The following RIN2 variants were observed in gnomAD, a reference collection of about 807,000 sequenced individuals.
RIN2 encodes the protein RAB5 interacting protein 2.
In RIN2, 36 loss-of-function variants were observed where a neutral mutation model predicts 78.0. The observed-to-expected ratio is 0.46, with a 90% CI of 0.35 to 0.61. The LOEUF (loss-of-function observed/expected upper bound fraction) is 0.61. RIN2 is among the 20% of genes least tolerant of loss of function. The probability of loss-of-function intolerance (pLI) is 0.00; values close to 1 mark genes in which losing one functional copy is unlikely to be tolerated. For missense variants in RIN2, 1,087 were observed against 1,159.7 expected, an observed-to-expected ratio of 0.94 and a Z score of 0.91; for synonymous variants, 466 against 466.8, an observed-to-expected ratio of 1.00 and a Z score of 0.02.
intron 3 of RIN2, among the ~76,000 whole-genome samples, chr20:19,909,242 TCTC>T (rs1392058162): frequency 6.6e-6 from 1 of 151,992 alleles, no homozygotes; most frequent in African/African-American, 2.4e-5. Context: ...AGCTTTATAA[TCTC>T]CTCCTCCAAT....
intron 7 of RIN2, among the ~76,000 whole-genome samples, chr20:19,965,557 A>C (rs574848089): frequency 6.6e-6 from 1 of 152,344 alleles, no homozygotes; most frequent in Admixed American, 6.5e-5. Flanking sequence ...TGTCCTTTTC[A>C]TAACCAAAGC....
chr20:19,979,048 A>C (rs1270410074), intron 9 of RIN2, among the ~76,000 whole-genome samples: 1 of 152,140 alleles, frequency 6.6e-6, no homozygotes, highest in Admixed American at 6.5e-5. Flanking sequence ...CCCATGGGGG[A>C]TATCCAACCA....
At chr20:19,760,838 C>T (rs1420353388) in intron 1 of RIN2, among the ~76,000 whole-genome samples, 1 of 152,170 alleles carries the variant, frequency 6.6e-6, no homozygotes, top group Non-Finnish European at 1.5e-5. Context: ...ACCCTGTCCT[C>T]CTTTCCCCAG....
chr20:19,880,613 C>G (rs1341859293), intron 2 of RIN2, among the ~76,000 whole-genome samples: 3 of 151,964 alleles, frequency 2.0e-5, no homozygotes, highest in Admixed American at 2.0e-4. Flanking sequence ...AGAGATCCTT[C>G]TGCCTTGGCC....
chr20:19,989,604 T>C (rs1407606324), intron 9 of RIN2, among the ~76,000 whole-genome samples: 1 of 152,210 alleles, frequency 6.6e-6, no homozygotes, highest in East Asian at 1.9e-4. Context: ...AGATGTTGAA[T>C]GCTCATTATT....
chr20:19,870,472 C>A (rs1359358036), intron 2 of RIN2, among the ~76,000 whole-genome samples: 1 of 152,030 alleles, frequency 6.6e-6, no homozygotes, highest in Non-Finnish European at 1.5e-5. Context: ...CATGGTGAAA[C>A]CCCATCTCTA....
chr20:19,837,688 G>T (rs1355034685), intron 2 of RIN2, among the ~76,000 whole-genome samples: 1 of 152,068 alleles, frequency 6.6e-6, no homozygotes, highest in Non-Finnish European at 1.5e-5. Flanking sequence ...CTGATATACA[G>T]ATAACTATTT....
At position 19,788,841 on chromosome 20, in the gene RIN2, A is replaced by G. The variant is rs137914692; in HGVS notation, c.-162-10781A>G. On this transcript the variant is annotated intron_variant, in intron 1 of 12. Coordinates refer to ENST00000255006, the MANE Select transcript of RIN2 (RefSeq NM_018993.4). ...ATTTTAAAGATGTCATTTATCCCCAAAGTGATCTACGGACTCATTAAAATT... is the reference window on the plus strand; with the variant it reads ...ATTTTAAAGATGTCATTTATCCCCAGAGTGATCTACGGACTCATTAAAATT... Among the ~76,000 whole-genome samples, 28 of 152,332 alleles carry G rather than the reference A, an allele frequency of 1.8e-4. No homozygotes were observed. In the East Asian group the frequency reaches 5.2e-3, roughly 28 times the overall value.
At chr20:19,865,489 T>TTTC (rs71914497) in intron 2 of RIN2, among the ~76,000 whole-genome samples, 4 of 28,722 alleles carry the variant, frequency 1.4e-4, no homozygotes, top group African/African-American at 2.4e-4. Context: ...ACTTTCTTTC[T>TTTC]TTTTTTTTTT....
intron 1 of RIN2, among the ~76,000 whole-genome samples, chr20:19,795,452 G>A (rs6046328): frequency 6.6e-6 from 1 of 151,972 alleles, no homozygotes; most frequent in Non-Finnish European, 1.5e-5. Context: ...TTTCCCCTCA[G>A]GTCCTCAGAA....
intron 12 of RIN2, among the ~76,000 whole-genome samples, chr20:19,997,497 G>A (rs1223010562): frequency 2.0e-5 from 3 of 152,168 alleles, no homozygotes; most frequent in East Asian, 1.9e-4. Context: ...CAGGGCTCAC[G>A]CCTGTAATCC....
intron 2 of RIN2, 102 bp from the exon 3 acceptor site, chr20:19,889,464 A>G: frequency 8.0e-7 from 1 of 1,242,932 alleles, no homozygotes; most frequent in Non-Finnish European, 1.1e-6. Context: ...TGTGTTGTTG[A>G]CGGAAAAAGA....
intron 4 of RIN2, among the ~76,000 whole-genome samples, chr20:19,952,842 C>T (rs1005167946): frequency 5.3e-5 from 8 of 152,146 alleles, no homozygotes; most frequent in African/African-American, 1.4e-4. Flanking sequence ...ATCCCGCGCC[C>T]GCAGCCCCTA....
intron 1 of RIN2, among the ~76,000 whole-genome samples, chr20:19,789,040 CTG>C (rs1042903317): frequency 6.6e-6 from 1 of 152,160 alleles, no homozygotes; most frequent in African/African-American, 2.4e-5. Flanking sequence ...ATAATGAAGA[CTG>C]TGGCATCAGA....
chr20:19,856,564 G>A (rs2037175069), intron 2 of RIN2, among the ~76,000 whole-genome samples: 1 of 150,140 alleles, frequency 6.7e-6, no homozygotes, highest in Non-Finnish European at 1.5e-5. Context: ...GGAGAGAAAG[G>A]GAGGAAGGAA....
At chr20:19,985,714 A>G (rs932595350) in intron 9 of RIN2, among the ~76,000 whole-genome samples, 1 of 152,192 alleles carries the variant, frequency 6.6e-6, no homozygotes, top group Non-Finnish European at 1.5e-5. Flanking sequence ...CATCTCAACA[A>G]CAGCAACAAC....
chr20:19,977,747 A>G (rs141451116), intron 9 of RIN2, among the ~76,000 whole-genome samples: 1 of 152,256 alleles, frequency 6.6e-6, no homozygotes, highest in East Asian at 1.9e-4. Context: ...GGGGAATTGT[A>G]ACTGCAGGGA....
In RIN2 at chr20:19,909,680, G is replaced by A. The variant is rs538798891; in HGVS notation, c.57+20022G>A. 3.3e-5 allele frequency among the ~76,000 whole-genome samples: 5 copies of A among 152,318 alleles called. No homozygotes were observed. The East Asian group carries it at 9.6e-4, about 29-fold the overall frequency. On this transcript the variant is annotated intron_variant, in intron 3 of 12. Transcript: ENST00000255006. The stretch of plus-strand genomic sequence containing the variant: ...AGTTATCTCATCTTTTACAGATGAG[G>A]AAACTGAGATCCTGGTAGGTTACAG...
At chr20:19,828,005 T>C (rs1300496707) in intron 2 of RIN2, among the ~76,000 whole-genome samples, 1 of 152,142 alleles carries the variant, frequency 6.6e-6, no homozygotes, top group Non-Finnish European at 1.5e-5. Flanking sequence ...CTTACCCATA[T>C]TTGCATGCTG....
Sources: gnomAD v4.1 joint callset for allele counts (sites outside exome capture counted in the v4.1 genomes callset) on GRCh38, gnomAD v4.1.1 for gene constraint, MANE v1.5 for transcripts, NCBI Gene and HGNC (gene_info 2026-07-23, HGNC 2026-07-21) for gene names.